The following ALK variants were observed in gnomAD, a reference collection of about 807,000 sequenced individuals.
ALK encodes ALK receptor tyrosine kinase, also known as ALK tyrosine kinase receptor.
Under a neutral mutation model 163.1 loss-of-function variants are expected in ALK, and 74 were observed. The observed-to-expected ratio is 0.45, with a 90% CI of 0.38 to 0.55. The LOEUF is 0.55. Ranked by LOEUF, ALK falls within the 20% of genes least tolerant of loss-of-function variation. The probability of loss-of-function intolerance (pLI) is 0.00; values close to 1 mark genes in which losing one functional copy is unlikely to be tolerated. For missense variants in ALK, 2,063 were observed against 2,105.3 expected, an observed-to-expected ratio of 0.98 and a Z score of 0.39; for synonymous variants, 960 against 843.2, an observed-to-expected ratio of 1.14 and a Z score of -2.40.
chr2:29,366,986 C>A (rs1668523418), intron 5 of ALK, among the ~76,000 whole-genome samples: 2 of 152,182 alleles, frequency 1.3e-5, no homozygotes, highest in South Asian at 4.1e-4. Context: ...TCTGGCTTTT[C>A]TTCCTCCCGT....
intron 15 of ALK, among the ~76,000 whole-genome samples, chr2:29,231,273 G>A (rs2148182472): frequency 6.6e-6 from 1 of 152,380 alleles, no homozygotes; most frequent in East Asian, 1.9e-4. Context: ...GCAAGTCAGA[G>A]GTGGCATGAG....
intron 4 of ALK, among the ~76,000 whole-genome samples, chr2:29,520,700 C>T (rs1330679482): frequency 6.6e-6 from 1 of 152,142 alleles, no homozygotes; most frequent in African/African-American, 2.4e-5. Context: ...ATGGCTTGAA[C>T]TGGCTTGCTT....
chr2:29,381,805 C>G (rs1385927474), intron 5 of ALK, among the ~76,000 whole-genome samples: 5 of 152,166 alleles, frequency 3.3e-5, no homozygotes, highest in African/African-American at 9.7e-5. Flanking sequence ...TTAAAGTAAC[C>G]CCTTCCCTTT....
intron 4 of ALK, among the ~76,000 whole-genome samples, chr2:29,463,938 A>G (rs1204519730): frequency 6.6e-6 from 1 of 152,206 alleles, no homozygotes; most frequent in Non-Finnish European, 1.5e-5. Flanking sequence ...CATTCAGTAG[A>G]GCCCTCAGAA....
chr2:29,918,890 T>A (rs566202146), intron 1 of ALK, among the ~76,000 whole-genome samples: 1 of 152,204 alleles, frequency 6.6e-6, no homozygotes, highest in Non-Finnish European at 1.5e-5. Flanking sequence ...TGTGTAGGCT[T>A]TTTAAAAGCC....
intron 23 of ALK, among the ~76,000 whole-genome samples, chr2:29,217,143 TG>T: frequency 8.3e-6 from 1 of 120,130 alleles, no homozygotes; most frequent in South Asian, 2.3e-4. Context: ...TGTGTGTGTG[TG>T]TGTGTAGTGT....
intron 23 of ALK, among the ~76,000 whole-genome samples, chr2:29,215,583 G>T (rs971320888): frequency 6.6e-6 from 1 of 152,188 alleles, no homozygotes; most frequent in Non-Finnish European, 1.5e-5. Flanking sequence ...GCTAATAAGC[G>T]TGGAGCCAAA....
chr2:29,295,275 TCTTA>T (rs1666141864), intron 9 of ALK, among the ~76,000 whole-genome samples: 2 of 152,118 alleles, frequency 1.3e-5, no homozygotes, highest in African/African-American at 4.8e-5. Flanking sequence ...CGAGTCAACA[TCTTA>T]CTTTAAATCC....
chr2:29,358,752 T>A (rs569343497), intron 5 of ALK, among the ~76,000 whole-genome samples: 1 of 152,304 alleles, frequency 6.6e-6, no homozygotes, highest in Non-Finnish European at 1.5e-5. Flanking sequence ...ATATATTTTC[T>A]CCCATTTGGA....
At position 29,515,388 on chromosome 2, in the gene ALK, C is replaced by T. The variant is rs1672633907; in HGVS notation, c.1154+16527G>A. ...GGATAGTGACTGTTTCTGCTTGTCCCCTGTTCTATTTTCACCATCTAGCTA... is the reference window on the plus strand; with the variant it reads ...GGATAGTGACTGTTTCTGCTTGTCCTCTGTTCTATTTTCACCATCTAGCTA... On this transcript the variant is annotated intron_variant, in intron 4 of 28. Transcript: ENST00000389048. 2.0e-5 allele frequency among the ~76,000 whole-genome samples: 3 copies of T among 152,068 alleles called. No individual in the cohort carries two copies. The South Asian group carries it at 6.2e-4, about 31-fold the overall frequency.
chr2:29,555,364 G>C (rs1673823589), intron 3 of ALK, among the ~76,000 whole-genome samples: 1 of 146,646 alleles, frequency 6.8e-6, no homozygotes, highest in African/African-American at 2.6e-5. Context: ...AGGCTGCTGT[G>C]GGCATTTGAG....
intron 6 of ALK, among the ~76,000 whole-genome samples, chr2:29,324,727 A>G (rs891440290): frequency 1.3e-5 from 2 of 152,142 alleles, no homozygotes; most frequent in Non-Finnish European, 2.9e-5. Flanking sequence ...ACGCAGAGAG[A>G]GTCACGAAGA....
At chr2:29,766,183 T>C (rs1389145896) in intron 1 of ALK, among the ~76,000 whole-genome samples, 1 of 152,190 alleles carries the variant, frequency 6.6e-6, no homozygotes, top group Non-Finnish European at 1.5e-5. Flanking sequence ...ATGAACATAA[T>C]TACAAACAGA....
intron 3 of ALK, among the ~76,000 whole-genome samples, chr2:29,636,217 C>T (rs138033005): frequency 1.0e-3 from 155 of 152,022 alleles, no homozygotes; most frequent in African/African-American, 2.8e-3. Context: ...CAGACACATA[C>T]AAATATGCCC....
At chr2:29,668,531 T>C (rs1677586668) in intron 3 of ALK, among the ~76,000 whole-genome samples, 1 of 152,144 alleles carries the variant, frequency 6.6e-6, no homozygotes. Context: ...CAGGAGCATG[T>C]TGTTTAATTT....
Position 29,831,256 on chromosome 2 carries a change from AGAG to A in ALK, c.667+88734_667+88736del, listed in dbSNP as rs1366963292. ...AAGAGGAAGAAGAAGAGGAAGAGGA[AGAG>A]GAAGAAGAAGAAGAAGAAGAAGAAG... is the stretch of plus-strand genomic sequence containing the variant. On this transcript the variant is annotated intron_variant, in intron 1 of 28. Coordinates refer to ENST00000389048, the MANE Select transcript of ALK (RefSeq NM_004304.5). Among the ~76,000 whole-genome samples the A allele has an allele frequency of 1.4e-3, 133 of 97,576 alleles. 2 individuals are homozygous for A. Among genetic ancestry groups the A allele is most frequent in the African/African-American group, 4.8e-3 (120 of 24,940 alleles). The allele number at this position is 97,576 out of a possible 152,430, so 64.0% of individuals were successfully genotyped here.
intron 4 of ALK, among the ~76,000 whole-genome samples, chr2:29,497,955 T>C (rs1672073911): frequency 6.6e-6 from 1 of 152,238 alleles, no homozygotes; most frequent in South Asian, 2.1e-4. Context: ...ATTGTTATAA[T>C]ACTATTACTT....
intron 11 of ALK, among the ~76,000 whole-genome samples, chr2:29,263,262 C>T (rs1665131621): frequency 6.6e-6 from 1 of 152,222 alleles, no homozygotes; most frequent in Admixed American, 6.5e-5. Context: ...GACTTGCGGC[C>T]TCCTGTTGTA....
At chr2:29,483,110 A>G (rs1243090480) in intron 4 of ALK, among the ~76,000 whole-genome samples, 2 of 152,228 alleles carry the variant, frequency 1.3e-5, no homozygotes, top group Non-Finnish European at 2.9e-5. Flanking sequence ...GAGAGCAGGA[A>G]TAGGAGTTAC....
Sources: gnomAD v4.1 joint callset for allele counts (sites outside exome capture counted in the v4.1 genomes callset) on GRCh38, gnomAD v4.1.1 for gene constraint, MANE v1.5 for transcripts, NCBI Gene and HGNC (gene_info 2026-07-23, HGNC 2026-07-21) for gene names.